CASK: variants seen among roughly 807,000 people sequenced by gnomAD.
CASK encodes peripheral plasma membrane protein CASK.
A neutral mutation model predicts 82.9 loss-of-function variants in CASK; 4 were observed. The ratio of observed to expected loss-of-function variants is 0.05; its 90% CI spans 0.02 to 0.11. The LOEUF is 0.11. CASK is among the 10% of genes least tolerant of loss of function. The pLI, the probability that CASK is intolerant of heterozygous loss-of-function variation, is 1.00. For missense variants in CASK, 358 were observed against 720.9 expected (o/e 0.50, Z 5.76); for synonymous variants, 259 against 253.5 (o/e 1.02, Z -0.20).
chrX:41,684,745 G>A (rs1411444270), intron 5 of CASK, among the ~76,000 whole-genome samples: 5 of 111,512 alleles, frequency 4.5e-5, no homozygotes, highest in East Asian at 2.8e-4. Context: ...TGATCCGCCC[G>A]CCTCATCCTC....
intron 1 of CASK, among the ~76,000 whole-genome samples, chrX:41,882,064 T>C (rs2071962942): frequency 9.0e-6 from 1 of 111,576 alleles, no homozygotes; most frequent in Admixed American, 9.5e-5. Flanking sequence ...CCACTGTGCC[T>C]GGTATTTAAT....
intron 5 of CASK, among the ~76,000 whole-genome samples, chrX:41,703,472 T>C (rs1416083468): frequency 1.8e-5 from 2 of 112,640 alleles, no homozygotes; most frequent in African/African-American, 6.5e-5. Context: ...TACTATTACA[T>C]TCTTTGTAAC....
In CASK at chrX:41,923,400, G is replaced by A. The variant is rs1168131765; in HGVS notation, c.-412C>T. On this transcript the variant is annotated 5_prime_UTR_variant, in exon 1 of 27. Coordinates refer to ENST00000378163, the MANE Select transcript of CASK (RefSeq NM_001367721.1). ...TCCGTCGCGTCGCGGAGCAGCTCGG[G>A]CTACAGAGGGGGCCGCGGCAGGACC... 3 of 110,875 alleles carry A rather than the reference G, an allele frequency of 2.7e-5. No homozygotes were observed. The highest frequency in any genetic ancestry group is 7.2e-4 in the South Asian group (2 of 2,768). 9.1% of individuals were successfully genotyped at this position (110,875 alleles called of 1,213,427 possible).
chrX:41,555,586 G>A lies in CASK; in HGVS notation c.1842+14C>T. 2 of 1,180,863 alleles carry A rather than the reference G, an allele frequency of 1.7e-6. No homozygotes were observed. Among genetic ancestry groups the A allele is most frequent in the Non-Finnish European group, 2.3e-6 (2 of 867,463 alleles). Reference sequence around the variant, plus strand: ...CTCAGTTTAGAGAAGTTTCTATAGAGGATATCTATTCACCTGTCGTCCTTT... The same window carrying A: ...CTCAGTTTAGAGAAGTTTCTATAGAAGATATCTATTCACCTGTCGTCCTTT... On this transcript the variant is annotated intron_variant, in intron 20 of 26. Transcript: ENST00000378163.
chrX:41,609,838 T>C (rs2066017839), intron 12 of CASK, 66 bp downstream of exon 12: 3 of 1,151,195 alleles, frequency 2.6e-6, no homozygotes, highest in Non-Finnish European at 3.5e-6. Flanking sequence ...ACTACAGGCA[T>C]GAGCCACCGT....
chrX:41,829,714 T>G (rs1256153617), intron 2 of CASK, among the ~76,000 whole-genome samples: 1 of 16,895 alleles, frequency 5.9e-5, no homozygotes, highest in Non-Finnish European at 8.7e-5. Context: ...TATATATATA[T>G]ATATATATAT....
Position 41,847,945 on chromosome X carries a change from T to C in CASK, c.172+5170A>G, listed in dbSNP as rs55744046. Among the ~76,000 whole-genome samples the C allele has an allele frequency of 7.8e-3, 878 of 112,424 alleles. 5 individuals are homozygous for C. The highest frequency in any genetic ancestry group is 0.012 in the Non-Finnish European group (633 of 53,286). On this transcript the variant is annotated intron_variant, in intron 2 of 26. Coordinates refer to ENST00000378163, the MANE Select transcript of CASK (RefSeq NM_001367721.1). ...CTAGAGGTGAGAAATTAAGGCCTTC[T>C]TAGATTTTTCCTGAGCTTGTTCATA...
At chrX:41,731,993 C>T (rs2068406487) in intron 5 of CASK, among the ~76,000 whole-genome samples, 1 of 98,772 alleles carries the variant, frequency 1.0e-5, no homozygotes, top group African/African-American at 3.8e-5. Flanking sequence ...CCAGGCTGGT[C>T]TTGAACTCCT....
intron 2 of CASK, among the ~76,000 whole-genome samples, chrX:41,808,566 C>T (rs755682084): frequency 6.2e-5 from 7 of 112,292 alleles, no homozygotes; most frequent in Admixed American, 5.6e-4. Context: ...CACATTAAAA[C>T]TCACGATAAG....
At chrX:41,615,979 A>C (rs2066189075) in intron 11 of CASK, among the ~76,000 whole-genome samples, 1 of 111,669 alleles carries the variant, frequency 9.0e-6, no homozygotes, top group Admixed American at 9.5e-5. Context: ...GTTTATTAAT[A>C]ATATAAGATT....
intron 8 of CASK, among the ~76,000 whole-genome samples, chrX:41,647,073 T>G (rs2066770498): frequency 1.8e-5 from 2 of 112,386 alleles, no homozygotes; most frequent in African/African-American, 3.2e-5. Flanking sequence ...AAGGGCTCAT[T>G]TTGTTAATGA....
chrX:41,722,263 G>A (rs1195195172), intron 5 of CASK, among the ~76,000 whole-genome samples: 2 of 111,890 alleles, frequency 1.8e-5, no homozygotes, highest in Admixed American at 1.9e-4. Flanking sequence ...TTCCAAGATG[G>A]CTCCCAGTGA....
chrX:41,549,990 T>A (rs1287988967), intron 21 of CASK, among the ~76,000 whole-genome samples: 1 of 106,833 alleles, frequency 9.4e-6, no homozygotes, highest in Non-Finnish European at 1.9e-5. Flanking sequence ...TGAAACCCTG[T>A]CTCTACTAAA....
chrX:41,628,899 C>T (rs924625274), intron 9 of CASK, among the ~76,000 whole-genome samples: 2 of 111,862 alleles, frequency 1.8e-5, no homozygotes, highest in Admixed American at 9.5e-5. Context: ...TTCCCACACA[C>T]GGAAACTAGG....
chrX:41,534,698 T>C lies in CASK; in HGVS notation c.2317+8A>G. On this transcript the variant is annotated splice_region_variant and intron_variant, in intron 24 of 26. Transcript: ENST00000378163. ...AATATAATGAAAAGAGATTGAGACATTGCTTACGTGGAATAGGGTACGCAA... is the reference window on the plus strand; with the variant it reads ...AATATAATGAAAAGAGATTGAGACACTGCTTACGTGGAATAGGGTACGCAA... 1.7e-6 allele frequency: 2 copies of C among 1,172,418 alleles called. No homozygotes were observed. The highest frequency in any genetic ancestry group is 1.8e-5 in the South Asian group (1 of 56,096).
intron 11 of CASK, among the ~76,000 whole-genome samples, chrX:41,611,664 TCTCTCC>T (rs1204394631): frequency 5.5e-4 from 14 of 25,563 alleles, no homozygotes; most frequent in Admixed American, 3.6e-3. Flanking sequence ...TCTCCCTCTC[TCTCTCC>T]CTCTCCCTCT....
At chrX:41,913,133 T>C (rs2072612430) in intron 1 of CASK, among the ~76,000 whole-genome samples, 1 of 111,174 alleles carries the variant, frequency 9.0e-6, no homozygotes, top group Non-Finnish European at 1.9e-5. Flanking sequence ...TTACTATGTG[T>C]GTCTGTTGGT....
Position 41,518,821 on chromosome X carries a change from T to C in CASK, c.*1599A>G, listed in dbSNP as rs1298863741. 1 of 111,390 alleles carries C rather than the reference T, an allele frequency of 9.0e-6. No individual in the cohort carries two copies. Among genetic ancestry groups the C allele is most frequent in the Non-Finnish European group, 1.9e-5 (1 of 53,074 alleles). 9.2% of individuals were successfully genotyped at this position (111,390 alleles called of 1,213,427 possible). On this transcript the variant is annotated 3_prime_UTR_variant, in exon 27 of 27. Coordinates refer to ENST00000378163, the MANE Select transcript of CASK (RefSeq NM_001367721.1). ...CACCCTCACATGCTAATGAAAAACA[T>C]TCTACTGACCTCTGGCAAAGAGTCT...
In CASK at chrX:41,822,762, T is replaced by C. The variant is rs189321627; in HGVS notation, c.172+30353A>G. ...ATGTCGTGAAAACTATTGTGACTGG[T>C]GAGGAGACTGACCAACTAGAATATG... On this transcript the variant is annotated intron_variant, in intron 2 of 26. Transcript: ENST00000378163. Among the ~76,000 whole-genome samples the C allele has an allele frequency of 1.3e-3, 142 of 109,141 alleles. 2 individuals are homozygous for C. The highest frequency in any genetic ancestry group is 4.6e-3 in the African/African-American group (137 of 29,905). 94.8% of individuals were successfully genotyped at this position (109,141 alleles called of 115,157 possible).
Sources: gnomAD v4.1 joint callset for allele counts (sites outside exome capture counted in the v4.1 genomes callset) on GRCh38, gnomAD v4.1.1 for gene constraint, MANE v1.5 for transcripts, NCBI Gene and HGNC (gene_info 2026-07-23, HGNC 2026-07-21) for gene names.